The following FGF13 variants were observed in gnomAD, a reference collection of about 807,000 sequenced individuals.
FGF13 encodes the protein fibroblast growth factor 13, also known as fibroblast growth factor homologous factor 2.
Under a neutral mutation model 19.5 loss-of-function variants are expected in FGF13, and 2 were observed. The ratio of observed to expected loss-of-function variants is 0.10; its 90% CI spans 0.04 to 0.32. The LOEUF (loss-of-function observed/expected upper bound fraction) is 0.32. Among genes scored for constraint, FGF13 ranks in the 10% least tolerant of loss-of-function variants. The probability of loss-of-function intolerance (pLI) is 1.00; values close to 1 mark genes in which losing one functional copy is unlikely to be tolerated. For synonymous variants in FGF13, 72 were observed against 76.9 expected (o/e 0.94, Z 0.33); for missense variants, 113 against 192.7 (o/e 0.59, Z 2.45).
chrX:139,099,165 C>G (rs1009345355), intron 1 of FGF13, among the ~76,000 whole-genome samples: 5 of 110,906 alleles, frequency 4.5e-5, no homozygotes, highest in African/African-American at 1.6e-4. Flanking sequence ...CCTAAAATAA[C>G]GTAGCCAAAT....
In FGF13 at chrX:138,710,981, G is replaced by T; in HGVS notation, c.23C>A (p.Ser8Ter). Reference protein sequence around the residue: MAAAIASSLIRQKRQARE... With the variant: MAAAIAS ...GGCTTGCCTCTTCTGACGGATGAGC[G>T]AGCTGGCGATAGCCGCCGCCATGGC... Residue 8 changes from serine (S) to a stop codon, truncating the protein, a stop_gained, in exon 1 of 5, where the codon TCG becomes TAG. Coordinates refer to ENST00000315930, the MANE Select transcript of FGF13 (RefSeq NM_004114.5). LOFTEE classifies it high-confidence loss of function. The T allele has an allele frequency of 8.3e-7, 1 of 1,210,826 alleles. No homozygotes were observed. The highest frequency in any genetic ancestry group is 1.8e-5 in the South Asian group (1 of 56,939).
intron 1 of FGF13, among the ~76,000 whole-genome samples, chrX:138,952,375 T>C (rs934654527): frequency 8.9e-6 from 1 of 111,863 alleles, no homozygotes; most frequent in African/African-American, 3.3e-5. Context: ...GGCTAGCATA[T>C]ATAGAAAGCT....
intron 1 of FGF13, among the ~76,000 whole-genome samples, chrX:139,086,834 T>G (rs2083407014): frequency 8.9e-6 from 1 of 112,948 alleles, no homozygotes; most frequent in Non-Finnish European, 1.9e-5. Flanking sequence ...TAAGTTTTTG[T>G]GTGGCCAACA....
At chrX:139,015,560 G>A in intron 1 of FGF13, among the ~76,000 whole-genome samples, 1 of 110,347 alleles carries the variant, frequency 9.1e-6, no homozygotes, top group Non-Finnish European at 1.9e-5. Context: ...AAATTGAAGT[G>A]GACACCAAAA....
chrX:139,058,218 C>T (rs1230349780), intron 1 of FGF13, among the ~76,000 whole-genome samples: 2 of 112,055 alleles, frequency 1.8e-5, no homozygotes, highest in South Asian at 3.7e-4. Flanking sequence ...TCTTCCCTTA[C>T]TCCCTGGAAG....
rs983603630 is a variant in FGF13, at chrX:138,624,537, G to A, written c.*8313C>T. On this transcript the variant is annotated 3_prime_UTR_variant, in exon 5 of 5. Coordinates refer to ENST00000315930, the MANE Select transcript of FGF13 (RefSeq NM_004114.5). ...AACTTTTTTGGCTGTAACACCAAAA[G>A]CACATGCAACAAAGTAAAAATAAAC... 1 of 111,774 alleles carries A rather than the reference G, an allele frequency of 8.9e-6. No homozygotes were observed. The highest frequency in any genetic ancestry group is 1.9e-5 in the Non-Finnish European group (1 of 53,066). 9.2% of individuals were successfully genotyped at this position (111,774 alleles called of 1,213,427 possible).
chrX:138,701,986 AATACTCAT>A (rs1459545414), intron 3 of FGF13, among the ~76,000 whole-genome samples: 15 of 112,286 alleles, frequency 1.3e-4, no homozygotes, highest in Middle Eastern at 4.7e-3. Context: ...AGATTTAAAA[AATACTCAT>A]ATATTACGCT....
intron 3 of FGF13, among the ~76,000 whole-genome samples, chrX:138,678,373 T>A (rs1263672676): frequency 8.9e-6 from 1 of 111,894 alleles, no homozygotes. Flanking sequence ...ATAATAATAA[T>A]AAAATAAAAT....
intron 1 of FGF13, among the ~76,000 whole-genome samples, chrX:139,035,222 C>T (rs2092246639): frequency 9.0e-6 from 1 of 111,383 alleles, no homozygotes; most frequent in South Asian, 3.8e-4. Context: ...CAGAACCACA[C>T]TCAGAAAGGC....
chrX:138,880,624 T>G (rs368963913), intron 1 of FGF13, among the ~76,000 whole-genome samples: 2 of 111,758 alleles, frequency 1.8e-5, no homozygotes, highest in Non-Finnish European at 3.8e-5. Flanking sequence ...GCATATGGTA[T>G]GAGATATGGG....
intron 3 of FGF13, among the ~76,000 whole-genome samples, chrX:138,636,033 TA>T (rs1272771897): frequency 8.9e-6 from 1 of 111,969 alleles, no homozygotes; most frequent in African/African-American, 3.3e-5. Flanking sequence ...TATGAGAAAA[TA>T]AACATTCGGT....
At chrX:138,759,424 G>A (rs1353662731) in intron 3 of FGF13, among the ~76,000 whole-genome samples, 1 of 112,562 alleles carries the variant, frequency 8.9e-6, no homozygotes, top group African/African-American at 3.2e-5. Context: ...CCTCAAGTGT[G>A]CTTTTCTCAT....
intron 2 of FGF13, among the ~76,000 whole-genome samples, chrX:138,862,224 G>A (rs187554101): frequency 1.8e-5 from 2 of 111,791 alleles, no homozygotes; most frequent in African/African-American, 6.5e-5. Flanking sequence ...ACTGTAATTC[G>A]CAAGGTTTGC....
chrX:138,868,923 T>C (rs113754896), intron 1 of FGF13, among the ~76,000 whole-genome samples: 11,394 of 110,407 alleles, frequency 0.1, 1,455 homozygotes, highest in African/African-American at 0.36. Context: ...CAGGCTCAGT[T>C]GACCGCTAGG....
chrX:138,921,971 C>A (rs867232436), intron 1 of FGF13, among the ~76,000 whole-genome samples: 135 of 67,252 alleles, frequency 2.0e-3, no homozygotes, highest in Non-Finnish European at 2.5e-3. Context: ...TTATGGAACT[C>A]AAAAAAAAAA....
At chrX:139,040,153 T>C (rs1275585974) in intron 1 of FGF13, among the ~76,000 whole-genome samples, 1 of 111,987 alleles carries the variant, frequency 8.9e-6, no homozygotes, top group Non-Finnish European at 1.9e-5. Flanking sequence ...ACAATAGTCC[T>C]ATCAGGTAAG....
chrX:138,689,791 C>T (rs760424721), intron 3 of FGF13, among the ~76,000 whole-genome samples: 5 of 112,015 alleles, frequency 4.5e-5, no homozygotes, highest in Non-Finnish European at 7.5e-5. Flanking sequence ...CTGTTGACAC[C>T]CTATTTTCAA....
At chrX:138,879,772 C>A (rs2091412881) in intron 1 of FGF13, among the ~76,000 whole-genome samples, 1 of 110,658 alleles carries the variant, frequency 9.0e-6, no homozygotes, top group Non-Finnish European at 1.9e-5. Context: ...TAGGCATGGG[C>A]AAAGACTTCA....
At chrX:139,154,761 A>G (rs1333557625) in intron 1 of FGF13, among the ~76,000 whole-genome samples, 4 of 111,904 alleles carry the variant, frequency 3.6e-5, no homozygotes, top group Non-Finnish European at 7.5e-5. Flanking sequence ...TTGTGCTTTC[A>G]ATATATTTTG....
Sources: allele counts gnomAD v4.1 joint callset (sites outside exome capture counted in the v4.1 genomes callset), GRCh38; gene constraint gnomAD v4.1.1; transcripts MANE v1.5; gene names NCBI Gene and HGNC (gene_info 2026-07-23, HGNC 2026-07-21).